Variants in RSAD2 observed in about 807,000 individuals in gnomAD.
The protein encoded by RSAD2 is radical S-adenosyl methionine domain containing 2.
A neutral mutation model predicts 37.7 loss-of-function variants in RSAD2; 38 were observed. The observed-to-expected ratio is 1.01, with a 90% CI of 0.78 to 1.32. The LOEUF is 1.32. Among genes scored for constraint, RSAD2 ranks in the 40% most tolerant of loss-of-function variants. The probability of loss-of-function intolerance (pLI) is 0.00; values close to 1 mark genes in which losing one functional copy is unlikely to be tolerated. For synonymous variants in RSAD2, 163 were observed against 157.4 expected, an observed-to-expected ratio of 1.04 and a Z score of -0.27; for missense variants, 428 against 437.5, an observed-to-expected ratio of 0.98 and a Z score of 0.19.
At chr2:6,872,013 C>T (rs1347533156) in intron 1 of RSAD2, among the ~76,000 whole-genome samples, 1 of 152,112 alleles carries the variant, frequency 6.6e-6, no homozygotes, top group Non-Finnish European at 1.5e-5. Context: ...CCTGAAGTAT[C>T]ATGAAATTTT....
chr2:6,881,932 C>G (rs1394182256), intron 1 of RSAD2, among the ~76,000 whole-genome samples: 1 of 151,646 alleles, frequency 6.6e-6, no homozygotes, highest in Middle Eastern at 3.2e-3. Context: ...TCCTAAAATG[C>G]AGGCAGGTGG....
chr2:6,870,613 C>T (rs868198399), intron 1 of RSAD2, among the ~76,000 whole-genome samples: 54 of 152,272 alleles, frequency 3.5e-4, no homozygotes, highest in African/African-American at 1.3e-3. Flanking sequence ...GCATTCTCAG[C>T]CAGTCCCCCC....
At chr2:6,866,138 G>A (rs1271305928) in intron 1 of RSAD2, 4 of 214,946 alleles carry the variant, frequency 1.9e-5, no homozygotes, top group Non-Finnish European at 3.8e-5. Context: ...GGAGGGGGGC[G>A]GGGGTGCACG....
chr2:6,877,543 A>G (rs1663306158), upstream of RSAD2: 2 of 502,552 alleles, frequency 4.0e-6, no homozygotes, highest in Non-Finnish European at 7.2e-6. Context: ...AGAGACTGTT[A>G]TAATACAAGT....
Position 6,886,974 on chromosome 2 carries a change from T to G in RSAD2, c.548T>G (p.Phe183Cys), listed in dbSNP as rs1663533938. The G allele has an allele frequency of 6.2e-7, 1 of 1,614,106 alleles. No homozygotes were observed. ...LDILAISCDSFDEEVNVLIGR... is the reference protein window; with the variant it reads ...LDILAISCDSCDEEVNVLIGR... ...ATTCTCGCTATCTCCTGTGACAGCT[T>G]TGACGAGGAAGTCAATGTCCTTATT... is the stretch of plus-strand genomic sequence containing the variant. Residue 183 changes from phenylalanine to cysteine, a missense_variant, in exon 3 of 6, where the codon TTT (phenylalanine) becomes TGT (cysteine). By Grantham distance (205) the Phe-to-Cys change is radical. Coordinates refer to ENST00000382040, the MANE Select transcript of RSAD2 (RefSeq NM_080657.5).
intron 1 of RSAD2, among the ~76,000 whole-genome samples, chr2:6,879,489 A>G (rs1663356678): frequency 6.6e-6 from 1 of 152,078 alleles, no homozygotes; most frequent in South Asian, 2.1e-4. Flanking sequence ...TGTTAAAATG[A>G]TGGTCATATT....
chr2:6,887,269 C>T (rs1232705709), intron 3 of RSAD2, 105 bp downstream of exon 3: 7 of 784,064 alleles, frequency 8.9e-6, no homozygotes, highest in Non-Finnish European at 1.4e-5. Flanking sequence ...AACTCTGGAC[C>T]TCGCAAGCCA....
chr2:6,891,526 G>C (rs899872905), intron 4 of RSAD2, among the ~76,000 whole-genome samples: 2 of 152,152 alleles, frequency 1.3e-5, no homozygotes, highest in Non-Finnish European at 2.9e-5. Context: ...CCAGCACTTT[G>C]GGGGGCTGAG....
intron 2 of RSAD2, chr2:6,883,747 A>G (rs960696951): frequency 1.7e-6 from 1 of 572,604 alleles, no homozygotes; most frequent in African/African-American, 1.9e-5. Flanking sequence ...TTGGCAAGTT[A>G]GATAATAGAC....
At position 6,877,991 on chromosome 2, in the gene RSAD2, A is replaced by C. The variant is rs770820629; in HGVS notation, c.191A>C (p.Glu64Ala). 6.2e-7 allele frequency: 1 copy of C among 1,614,118 alleles called. No homozygotes were observed. The highest frequency in any genetic ancestry group is 8.5e-7 in the Non-Finnish European group (1 of 1,179,980). Residue 64 changes from glutamate (E) to alanine (A), a missense_variant, in exon 1 of 6, where the codon GAG becomes GCG. Physicochemically the swap from Glu to Ala is moderately radical, Grantham distance 107. Transcript: ENST00000382040. Reference protein sequence around the residue: ...RGPDETKEEEEDPPLPTTPTS... With the variant: ...RGPDETKEEEADPPLPTTPTS... Reference sequence around the variant, plus strand: ...CCAGATGAGACCAAAGAGGAGGAAGAGGACCCTCCTCTGCCCACCACCCCA... The same window carrying C: ...CCAGATGAGACCAAAGAGGAGGAAGCGGACCCTCCTCTGCCCACCACCCCA...
At chr2:6,872,721 C>A (rs1402409767) in intron 1 of RSAD2, among the ~76,000 whole-genome samples, 1 of 152,062 alleles carries the variant, frequency 6.6e-6, no homozygotes, top group East Asian at 1.9e-4. Flanking sequence ...TTGATAAAAG[C>A]AATTTTCTGT....
intron 3 of RSAD2, among the ~76,000 whole-genome samples, chr2:6,889,929 C>T (rs1663597157): frequency 6.6e-6 from 1 of 152,132 alleles, no homozygotes. Context: ...AAATTTATGA[C>T]TCAATCAAAC....
chr2:6,881,692 G>A (rs1041567978), intron 1 of RSAD2, among the ~76,000 whole-genome samples: 22 of 147,610 alleles, frequency 1.5e-4, no homozygotes, highest in Non-Finnish European at 2.1e-4. Context: ...TGACGCACAG[G>A]CCCATCCTTC....
upstream of RSAD2, among the ~76,000 whole-genome samples, chr2:6,876,304 C>A (rs1663280485): frequency 6.6e-6 from 1 of 152,142 alleles, no homozygotes; most frequent in South Asian, 2.1e-4. Flanking sequence ...TATGTTTGGG[C>A]TAAGCATTTG....
rs73914425 is a variant in RSAD2, at chr2:6,896,272, A to G, written c.*330A>G. ...AAATGCTTAGATAAGGCCCCTATAC[A>G]CAGGACCTGACATTTAGCTCAATGA... On this transcript the variant is annotated 3_prime_UTR_variant, in exon 6 of 6. Transcript: ENST00000382040. 0.017 allele frequency: 3,244 copies of G among 189,348 alleles called. 114 individuals are homozygous for G. The highest frequency in any genetic ancestry group is 0.071 in the African/African-American group (3,081 of 43,140). 11.7% of individuals were successfully genotyped at this position (189,348 alleles called of 1,614,324 possible). A position where few individuals can be genotyped will look rare whatever the true frequency, so the allele number is the denominator to read the frequency against.
intron 2 of RSAD2, among the ~76,000 whole-genome samples, chr2:6,884,456 A>G (rs573381197): frequency 1.3e-5 from 2 of 152,244 alleles, no homozygotes; most frequent in African/African-American, 4.8e-5. Flanking sequence ...TCAAAAGTGA[A>G]CTTTGGGAAC....
chr2:6,874,148 T>C (rs1190612560), upstream of RSAD2, among the ~76,000 whole-genome samples: 1 of 152,154 alleles, frequency 6.6e-6, no homozygotes, highest in Non-Finnish European at 1.5e-5. Context: ...CATCTTTCTC[T>C]CTTGCTCCTG....
rs187584049 is a variant in RSAD2 at position 6,884,041 on chromosome 2, T to C, written c.508+509T>C. Among the ~76,000 whole-genome samples, 530 of 152,364 alleles carry C rather than the reference T, an allele frequency of 3.5e-3. 5 individuals carry two copies. Among genetic ancestry groups the C allele is most frequent in the Admixed American group, 7.2e-3 (110 of 15,302 alleles). On this transcript the variant is annotated intron_variant, in intron 2 of 5. Transcript: ENST00000382040. Reference sequence around the variant, plus strand: ...GCAGTTCAGTTTTCTGCAGGTGTCATGTCCATATAGCAGTTCTTAAAACTT... The same window carrying C: ...GCAGTTCAGTTTTCTGCAGGTGTCACGTCCATATAGCAGTTCTTAAAACTT...
chr2:6,884,300 G>A (rs1663473226), intron 2 of RSAD2, among the ~76,000 whole-genome samples: 1 of 152,188 alleles, frequency 6.6e-6, no homozygotes, highest in Non-Finnish European at 1.5e-5. Flanking sequence ...GTGGATGTGG[G>A]TTGGAGGGTC....
Sources: gnomAD v4.1 joint callset for allele counts (sites outside exome capture counted in the v4.1 genomes callset) on GRCh38, gnomAD v4.1.1 for gene constraint, MANE v1.5 for transcripts, NCBI Gene and HGNC (gene_info 2026-07-23, HGNC 2026-07-21) for gene names.